Variants in KNDC1 observed in about 807,000 individuals in gnomAD.
KNDC1 encodes kinase non-catalytic C-lobe domain containing 1.
In KNDC1, 106 loss-of-function variants were observed where a neutral mutation model predicts 172.8. The observed-to-expected ratio is 0.61, with a 90% CI of 0.52 to 0.72. The LOEUF is 0.72. KNDC1 is among the 30% of genes least tolerant of loss of function. The pLI is 0.00. For synonymous variants in KNDC1, 1,083 were observed against 1,062.2 expected (o/e 1.02, Z -0.38); for missense variants, 2,325 against 2,394.5 (o/e 0.97, Z 0.61).
At chr10:133,203,286 C>T (rs9419024) in intron 17 of KNDC1, among the ~76,000 whole-genome samples, 54,171 of 142,814 alleles carry the variant, frequency 0.38, 11,023 homozygotes, top group East Asian at 0.59. Context: ...CCCAAACTCA[C>T]GGCGTCCAGC....
intron 2 of KNDC1, 122 bp from the exon 3 acceptor site, chr10:133,168,132 G>A: frequency 1.2e-6 from 1 of 828,626 alleles, no homozygotes; most frequent in Non-Finnish European, 2.1e-6. Flanking sequence ...AATGGTCTGG[G>A]GACACCAGGT....
At chr10:133,208,072 C>T (rs1280015395) in intron 20 of KNDC1, among the ~76,000 whole-genome samples, 7 of 152,162 alleles carry the variant, frequency 4.6e-5, no homozygotes, top group Non-Finnish European at 1.0e-4. Context: ...CTTATGGGAC[C>T]CTTATGACAC....
chr10:133,189,962 A>C (rs1189022286), intron 9 of KNDC1, 149 bp downstream of exon 9: 14 of 722,890 alleles, frequency 1.9e-5, no homozygotes, highest in Non-Finnish European at 3.1e-5. Flanking sequence ...ATCTGCCAGC[A>C]GGGCCGTGGC....
chr10:133,194,850 T>C (rs1315022731), intron 9 of KNDC1, among the ~76,000 whole-genome samples: 2 of 152,230 alleles, frequency 1.3e-5, no homozygotes, highest in South Asian at 2.1e-4. Context: ...AAGTGTGTCA[T>C]GTCTGTGGCC....
At chr10:133,213,070 T>C in intron 24 of KNDC1, 148 bp downstream of exon 24, 1 of 717,876 alleles carries the variant, frequency 1.4e-6, no homozygotes, top group Non-Finnish European at 2.3e-6. Context: ...TGGGGGTGGC[T>C]GCCAGGTGCA....
intron 17 of KNDC1, chr10:133,202,251 C>T (rs769150720): frequency 3.8e-5 from 22 of 579,246 alleles, no homozygotes; most frequent in South Asian, 1.1e-4. Context: ...GCACAGCCTC[C>T]GGGCCCTTGG....
At chr10:133,213,528 A>G in intron 24 of KNDC1, 117 bp from the exon 25 acceptor site, 1 of 820,932 alleles carries the variant, frequency 1.2e-6, no homozygotes, top group Non-Finnish European at 2.0e-6. Context: ...ATGGGTATTG[A>G]ACCTGGGATT....
At chr10:133,175,101 G>A (rs1244532136) in intron 3 of KNDC1, among the ~76,000 whole-genome samples, 3 of 149,792 alleles carry the variant, frequency 2.0e-5, no homozygotes, top group Non-Finnish European at 4.4e-5. Flanking sequence ...ATAGATGGAT[G>A]GTGGATATGT....
intron 5 of KNDC1, among the ~76,000 whole-genome samples, chr10:133,184,692 T>A (rs1428412767): frequency 1.3e-5 from 2 of 152,278 alleles, no homozygotes; most frequent in Non-Finnish European, 2.9e-5. Flanking sequence ...CACTCTCATG[T>A]GCATCATGTT....
intron 7 of KNDC1, 77 bp downstream of exon 7, chr10:133,188,730 C>T: frequency 1.7e-6 from 1 of 595,064 alleles, no homozygotes; most frequent in South Asian, 1.8e-5. Context: ...CCGTCCCACA[C>T]CCCCGCCGTC....
intron 6 of KNDC1, among the ~76,000 whole-genome samples, chr10:133,187,506 G>A (rs143711896): frequency 1.8e-3 from 274 of 152,376 alleles, no homozygotes; most frequent in Non-Finnish European, 3.1e-3. Flanking sequence ...GCCCGGGGAC[G>A]GGGGTGCCCT....
intron 26 of KNDC1, 143 bp from the exon 27 acceptor site, chr10:133,218,688 T>C: frequency 9.2e-7 from 1 of 1,087,484 alleles, no homozygotes; most frequent in Admixed American, 2.2e-5. Flanking sequence ...CTCACCTGCG[T>C]CCACACAGCC....
chr10:133,160,389 A>C lies in KNDC1; in HGVS notation c.-79A>C, dbSNP rs985475997. The C allele has an allele frequency of 5.6e-5, 44 of 782,710 alleles. No individual in the cohort carries two copies. The highest frequency in any genetic ancestry group is 9.4e-5 in the Admixed American group (2 of 21,172). 48.5% of individuals were successfully genotyped at this position (782,710 alleles called of 1,614,324 possible). On this transcript the variant is annotated 5_prime_UTR_variant, in exon 1 of 30. The change abolishes an upstream ATG in the 5' untranslated region. Coordinates refer to ENST00000304613, the MANE Select transcript of KNDC1 (RefSeq NM_152643.8). ...GCGGGCGAGGGCCGGGCGCGTCTCC[A>C]TGGAGCCAGGGCGCGCGTAGCCGAG...
At chr10:133,210,786 T>C (rs1476225320) in intron 21 of KNDC1, 62 bp downstream of exon 21, 2 of 1,354,272 alleles carry the variant, frequency 1.5e-6, no homozygotes, top group Non-Finnish European at 2.1e-6. Flanking sequence ...TGGGCGCCCA[T>C]GGGCCTGGTT....
chr10:133,188,679 C>A (rs777154705), intron 7 of KNDC1, 26 bp downstream of exon 7: 4 of 1,337,124 alleles, frequency 3.0e-6, no homozygotes, highest in African/African-American at 1.5e-5. Context: ...TCCCATCCCC[C>A]CCGCCGTCCC....
chr10:133,181,129 AC>A (rs1324560452), intron 3 of KNDC1, among the ~76,000 whole-genome samples: 1 of 151,954 alleles, frequency 6.6e-6, no homozygotes, highest in Non-Finnish European at 1.5e-5. Context: ...CACACGGGGC[AC>A]CCACTGACGC....
rs1278593702 is a variant in KNDC1, at chr10:133,185,156, GGCGCAGTGTGGAGTAGGCAGTGT to G, written c.626-816_626-794del. Among the ~76,000 whole-genome samples the G allele has an allele frequency of 1.4e-4, 21 of 151,706 alleles. No homozygotes were observed. In the East Asian group the frequency reaches 3.1e-3, roughly 23 times the overall value. ...TCAGGGTTTGTGCTGCTGCGGGAGG[GGCGCAGTGTGGAGTAGGCAGTGT>G]GTGCAGTGTGGAGTAGGCAGTGTGT... is the stretch of plus-strand genomic sequence containing the variant. On this transcript the variant is annotated intron_variant, in intron 5 of 29. Transcript: ENST00000304613.
intron 3 of KNDC1, 148 bp from the exon 4 acceptor site, chr10:133,183,196 T>G (rs1591236841): frequency 1.0e-6 from 1 of 973,990 alleles, no homozygotes. Context: ...GCGGCAAGGG[T>G]GTGGGCAGCG....
At position 133,184,286 on chromosome 10, in the gene KNDC1, GCA is replaced by G. The variant is rs1475151258; in HGVS notation, c.625+305_625+306del. Among the ~76,000 whole-genome samples, 13 of 113,102 alleles carry G rather than the reference GCA, an allele frequency of 1.1e-4. No homozygotes were observed. In the South Asian group the frequency reaches 1.2e-3, roughly 10 times the overall value. The allele number at this position is 113,102 out of a possible 152,430, so 74.2% of individuals were successfully genotyped here. A position where few individuals can be genotyped will look rare whatever the true frequency, so the allele number is the denominator to read the frequency against. ...ACACACACCCATGCACACACACGCT[GCA>G]CACACACCCATGCACACACTGCACA... On this transcript the variant is annotated intron_variant, in intron 5 of 29. Transcript: ENST00000304613.
Sources: allele counts gnomAD v4.1 joint callset (sites outside exome capture counted in the v4.1 genomes callset), GRCh38; gene constraint gnomAD v4.1.1; transcripts MANE v1.5; gene names NCBI Gene and HGNC (gene_info 2026-07-23, HGNC 2026-07-21).